The following KCNIP4 variants were observed in gnomAD, a reference collection of about 807,000 sequenced individuals.
The protein encoded by KCNIP4 is Kv channel-interacting protein 4.
KCNIP4 carries 12 observed loss-of-function variants against 34.0 expected under a neutral mutation model. The observed-to-expected ratio is 0.35, with a 90% confidence interval of 0.23 to 0.57. KCNIP4 has a LOEUF of 0.57. KCNIP4 is among the 20% of genes least tolerant of loss of function. KCNIP4 has a pLI of 0.83. For missense variants in KCNIP4, 238 were observed against 311.7 expected, an observed-to-expected ratio of 0.76 and a Z score of 1.78; for synonymous variants, 124 against 102.2, an observed-to-expected ratio of 1.21 and a Z score of -1.29.
chr4:20,808,385 T>C (rs1347642903), intron 3 of KCNIP4, among the ~76,000 whole-genome samples: 1 of 152,198 alleles, frequency 6.6e-6, no homozygotes, highest in Non-Finnish European at 1.5e-5. Context: ...CCCAATGACA[T>C]TCATGTCAGT....
intron 1 of KCNIP4, among the ~76,000 whole-genome samples, chr4:21,004,854 G>A (rs897908818): frequency 1.3e-5 from 2 of 151,942 alleles, no homozygotes; most frequent in Admixed American, 1.3e-4. Context: ...TGTTTTACGG[G>A]ATTCAAAAAT....
intron 8 of KCNIP4, 22 bp from the exon 9 acceptor site, chr4:20,730,151 C>T (rs200202411): frequency 2.2e-5 from 35 of 1,590,794 alleles, no homozygotes; most frequent in African/African-American, 5.4e-5. Flanking sequence ...AAACACAGAG[C>T]GATTAAATTC....
intron 1 of KCNIP4, among the ~76,000 whole-genome samples, chr4:21,035,396 A>T (rs1741364939): frequency 6.6e-6 from 1 of 152,248 alleles, no homozygotes; most frequent in South Asian, 2.1e-4. Flanking sequence ...TAGCAACAAT[A>T]ACAAGCAATT....
intron 1 of KCNIP4, among the ~76,000 whole-genome samples, chr4:21,725,666 A>G (rs971207485): frequency 1.3e-5 from 2 of 152,074 alleles, no homozygotes; most frequent in African/African-American, 4.8e-5. Flanking sequence ...TGTAACTGAA[A>G]ATAGAGGACA....
In KCNIP4 at chr4:21,423,136, T is replaced by C. The variant is rs527572562; in HGVS notation, c.61+525435A>G. 5.3e-5 allele frequency among the ~76,000 whole-genome samples: 8 copies of C among 152,298 alleles called. No homozygotes were observed. The South Asian group carries it at 1.7e-3, about 32-fold the overall frequency. ...CCTGGACAAGGGAACTCTCTTCCAATGATGAGATGATCAGTAATATTTCTT... is the reference window on the plus strand; with the variant it reads ...CCTGGACAAGGGAACTCTCTTCCAACGATGAGATGATCAGTAATATTTCTT... On this transcript the variant is annotated intron_variant, in intron 1 of 8. Coordinates refer to ENST00000382152, the MANE Select transcript of KCNIP4 (RefSeq NM_025221.6).
intron 1 of KCNIP4, among the ~76,000 whole-genome samples, chr4:21,587,958 A>ATTTTTGTATG (rs1489653314): frequency 6.6e-5 from 10 of 152,034 alleles, no homozygotes. Flanking sequence ...GTTGCATTCC[A>ATTTTTGTATG]TTTTTGTATG....
intron 1 of KCNIP4, among the ~76,000 whole-genome samples, chr4:21,644,568 C>A (rs1746874021): frequency 6.6e-6 from 1 of 152,128 alleles, no homozygotes; most frequent in Non-Finnish European, 1.5e-5. Flanking sequence ...AGTCCATATT[C>A]GAAGCTACCC....
chr4:21,650,734 A>C (rs1240528520), intron 1 of KCNIP4, among the ~76,000 whole-genome samples: 1 of 152,206 alleles, frequency 6.6e-6, no homozygotes, highest in Non-Finnish European at 1.5e-5. Flanking sequence ...TCACAACTCC[A>C]GACATGAAAT....
intron 1 of KCNIP4, among the ~76,000 whole-genome samples, chr4:21,628,418 G>GT (rs1406193412): frequency 6.6e-6 from 1 of 152,036 alleles, no homozygotes; most frequent in Non-Finnish European, 1.5e-5. Context: ...CTCAAGGTGT[G>GT]TAAGTCCTAG....
intron 1 of KCNIP4, among the ~76,000 whole-genome samples, chr4:21,415,813 C>G (rs955861439): frequency 1.3e-5 from 2 of 152,004 alleles, no homozygotes; most frequent in Admixed American, 6.6e-5. Context: ...AAACAAAGAC[C>G]CTGGATGGAG....
chr4:21,288,434 C>T (rs150005465), intron 1 of KCNIP4, among the ~76,000 whole-genome samples: 2,115 of 152,266 alleles, frequency 0.014, 23 homozygotes, highest in South Asian at 0.026. Flanking sequence ...AGAAAATGGA[C>T]TAACCGCTTA....
In KCNIP4 at chr4:20,972,955, ACTT is replaced by A. The variant is rs140512778; in HGVS notation, c.62-90249_62-90247del. On this transcript the variant is annotated intron_variant, in intron 1 of 8. Transcript: ENST00000382152. ...ATCAAACTAGAACAAATGAGGACTA[ACTT>A]CTTCTAGAAGGGCAAAGAAAGTGGT... Among the ~76,000 whole-genome samples the A allele has an allele frequency of 4.1e-3, 617 of 152,290 alleles. 4 individuals carry two copies. Among genetic ancestry groups the A allele is most frequent in the East Asian group, 0.037 (191 of 5,182 alleles).
intron 3 of KCNIP4, among the ~76,000 whole-genome samples, chr4:20,820,634 C>T (rs987248070): frequency 2.6e-5 from 4 of 152,138 alleles, no homozygotes; most frequent in African/African-American, 9.7e-5. Context: ...TGCAATTCAG[C>T]AAGACAATGG....
intron 1 of KCNIP4, among the ~76,000 whole-genome samples, chr4:20,941,763 CAG>C (rs1288604514): frequency 6.6e-6 from 1 of 152,044 alleles, no homozygotes; most frequent in African/African-American, 2.4e-5. Context: ...ATATATCTTC[CAG>C]AGAGTGAGGA....
chr4:21,200,072 A>C (rs1189379028), intron 1 of KCNIP4, among the ~76,000 whole-genome samples: 3 of 152,058 alleles, frequency 2.0e-5, no homozygotes, highest in Non-Finnish European at 4.4e-5. Flanking sequence ...GGATAGCATT[A>C]GGAGATATAC....
At chr4:20,853,037 T>C (rs1277638109) in intron 2 of KCNIP4, among the ~76,000 whole-genome samples, 1 of 152,118 alleles carries the variant, frequency 6.6e-6, no homozygotes, top group Non-Finnish European at 1.5e-5. Flanking sequence ...AGAATCAATA[T>C]TGTGAAAATG....
intron 1 of KCNIP4, among the ~76,000 whole-genome samples, chr4:21,200,609 G>A (rs1756423928): frequency 6.6e-6 from 1 of 151,710 alleles, no homozygotes; most frequent in African/African-American, 2.4e-5. Context: ...ATACAGAGTG[G>A]TATAATGGAA....
At chr4:21,870,047 G>A (rs1017676404) in intron 1 of KCNIP4, among the ~76,000 whole-genome samples, 1 of 152,206 alleles carries the variant, frequency 6.6e-6, no homozygotes, top group Non-Finnish European at 1.5e-5. Flanking sequence ...GTGTATCTGC[G>A]GCAAGGTAAG....
chr4:21,869,288 T>C (rs1441259445), intron 1 of KCNIP4, among the ~76,000 whole-genome samples: 2 of 152,172 alleles, frequency 1.3e-5, no homozygotes, highest in Non-Finnish European at 2.9e-5. Flanking sequence ...AGCCCATGTG[T>C]GGAGTATGGA....
Sources: allele counts gnomAD v4.1 joint callset (sites outside exome capture counted in the v4.1 genomes callset), GRCh38; gene constraint gnomAD v4.1.1; transcripts MANE v1.5; gene names NCBI Gene and HGNC (gene_info 2026-07-23, HGNC 2026-07-21).